SOBP: variants seen among roughly 807,000 people sequenced by gnomAD.
The protein encoded by SOBP is sine oculis binding protein homolog.
Under a neutral mutation model 53.6 loss-of-function variants are expected in SOBP, and 4 were observed. The ratio of observed to expected loss-of-function variants is 0.07; its 90% CI spans 0.04 to 0.17. The LOEUF (loss-of-function observed/expected upper bound fraction) is 0.17, where lower values mean the gene tolerates loss of function less well. SOBP is among the 10% of genes least tolerant of loss of function. SOBP has a pLI of 1.00. For synonymous variants in SOBP, 584 were observed against 522.6 expected (o/e 1.12, Z -1.60); for missense variants, 1,088 against 1,204.7 (o/e 0.90, Z 1.43).
chr6:107,506,334 G>A lies in SOBP; in HGVS notation c.328G>A (p.Gly110Arg). 1 of 1,614,110 alleles carries A rather than the reference G, an allele frequency of 6.2e-7. No homozygotes were observed. The highest frequency in any genetic ancestry group is 8.5e-7 in the Non-Finnish European group (1 of 1,179,994). Residue 110 changes from glycine (G) to arginine (R), a missense_variant, in exon 3 of 7, where the codon GGA becomes AGA. By Grantham distance (125) the Gly-to-Arg change is moderately radical. Transcript: ENST00000317357. ...CTATTCAGGGCTTGCCACTGGAAAT[G>A]GACTCAGTGACTCACCTGCAGGGTC... ...TGYSGLATGNGLSDSPAGSKD... is the reference protein window; with the variant it reads ...TGYSGLATGNRLSDSPAGSKD...
chr6:107,656,629 G>T (rs1772080245), intron 6 of SOBP, among the ~76,000 whole-genome samples: 1 of 152,182 alleles, frequency 6.6e-6, no homozygotes, highest in African/African-American at 2.4e-5. Flanking sequence ...GCTGATTATT[G>T]TTGCCATTAA....
At chr6:107,513,049 C>T (rs939449221) in intron 3 of SOBP, among the ~76,000 whole-genome samples, 10 of 152,152 alleles carry the variant, frequency 6.6e-5, no homozygotes, top group Non-Finnish European at 1.3e-4. Flanking sequence ...ATGATAAGTG[C>T]CCTTATTCTC....
rs899104791 is a variant in SOBP at position 107,506,128 on chromosome 6, G to C, written c.236-114G>C. 14 of 900,472 alleles carry C rather than the reference G, an allele frequency of 1.6e-5. No homozygotes were observed. The African/African-American group carries it at 2.1e-4, about 14-fold the overall frequency. 55.8% of individuals were successfully genotyped at this position (900,472 alleles called of 1,614,324 possible). On this transcript the variant is annotated intron_variant, in intron 2 of 6. Coordinates refer to ENST00000317357, the MANE Select transcript of SOBP (RefSeq NM_018013.4). ...GTTCTAGTACATTGTTTAAAGATTT[G>C]CAAGAAAAAATATGTTGGGTTCATG...
intron 1 of SOBP, among the ~76,000 whole-genome samples, chr6:107,496,870 T>G (rs1222834739): frequency 1.3e-5 from 2 of 152,366 alleles, no homozygotes; most frequent in East Asian, 3.9e-4. Context: ...TCTTTTGCAC[T>G]ATTTAAATTT....
At chr6:107,548,678 T>C (rs1227293290) in intron 4 of SOBP, among the ~76,000 whole-genome samples, 1 of 152,170 alleles carries the variant, frequency 6.6e-6, no homozygotes, top group Non-Finnish European at 1.5e-5. Context: ...GGCTCACATC[T>C]GTAACACCAG....
In SOBP at chr6:107,637,298, G is replaced by C. The variant is rs75569141; in HGVS notation, c.*3+1829G>C. Among the ~76,000 whole-genome samples, 659 of 152,354 alleles carry C rather than the reference G, an allele frequency of 4.3e-3. 5 individuals carry two copies. Among genetic ancestry groups the C allele is most frequent in the African/African-American group, 0.015 (629 of 41,584 alleles). On this transcript the variant is annotated intron_variant, in intron 6 of 6. Transcript: ENST00000317357. ...TAAGTTGGGCCCCTAGCATAGCCAGGAGATTGCTTGGGAAGCACAGACCAG... is the reference window on the plus strand; with the variant it reads ...TAAGTTGGGCCCCTAGCATAGCCAGCAGATTGCTTGGGAAGCACAGACCAG...
chr6:107,523,750 A>G (rs146220090), intron 3 of SOBP, among the ~76,000 whole-genome samples: 170 of 152,314 alleles, frequency 1.1e-3, no homozygotes, highest in Admixed American at 1.8e-3. Context: ...CCTGCCTACT[A>G]CAGTCACCAA....
chr6:107,558,539 A>G (rs1784683478), intron 4 of SOBP, among the ~76,000 whole-genome samples: 1 of 152,062 alleles, frequency 6.6e-6, no homozygotes, highest in African/African-American at 2.4e-5. Flanking sequence ...AAGTGCTGGG[A>G]TTACAGGTGT....
Position 107,490,640 on chromosome 6 carries a change from G to A in SOBP, c.24G>A (p.Gly8=), listed in dbSNP as rs781007270. The A allele has an allele frequency of 1.2e-6, 2 of 1,607,074 alleles. No individual in the cohort carries two copies. Among genetic ancestry groups the A allele is most frequent in the African/African-American group, 1.3e-5 (1 of 74,748 alleles). MAEMEKE[G]RPPENKRSRK... ...ACATGGCAGAAATGGAGAAAGAAGG[G>A]AGACCTCCCGAAAATAAACGGAGCA... The change falls in exon 1 of 7, where the codon GGG becomes GGA. Residue 8 remains glycine (G), a synonymous_variant. Coordinates refer to ENST00000317357, the MANE Select transcript of SOBP (RefSeq NM_018013.4).
chr6:107,496,958 A>T (rs998791875), intron 1 of SOBP, among the ~76,000 whole-genome samples: 1 of 152,222 alleles, frequency 6.6e-6, no homozygotes, highest in African/African-American at 2.4e-5. Context: ...GACAGCTCAG[A>T]CTCAGCCCTG....
intron 3 of SOBP, among the ~76,000 whole-genome samples, chr6:107,517,830 G>T (rs989169193): frequency 2.0e-5 from 3 of 152,046 alleles, no homozygotes; most frequent in African/African-American, 7.2e-5. Flanking sequence ...CATACATAAA[G>T]TACTAACCAT....
chr6:107,641,699 C>G (rs2115163815), intron 6 of SOBP, among the ~76,000 whole-genome samples: 1 of 152,320 alleles, frequency 6.6e-6, no homozygotes, highest in South Asian at 2.1e-4. Context: ...TCCAATGAGT[C>G]ACTCCCTTGC....
At chr6:107,572,920 A>C (rs1210526066) in intron 4 of SOBP, among the ~76,000 whole-genome samples, 1 of 152,198 alleles carries the variant, frequency 6.6e-6, no homozygotes, top group East Asian at 1.9e-4. Context: ...TATTTGGCAG[A>C]GGTATGGTGA....
intron 6 of SOBP, among the ~76,000 whole-genome samples, chr6:107,650,766 G>C (rs540240804): frequency 1.3e-5 from 2 of 152,238 alleles, no homozygotes; most frequent in East Asian, 3.9e-4. Flanking sequence ...TTCTATGATG[G>C]CCTCTAAATG....
chr6:107,649,662 T>A (rs1771719560), intron 6 of SOBP, among the ~76,000 whole-genome samples: 1 of 144,344 alleles, frequency 6.9e-6, no homozygotes. Context: ...CTATAGTGTG[T>A]TTGTTAAAAA....
chr6:107,603,958 G>T (rs376711029), intron 5 of SOBP, among the ~76,000 whole-genome samples: 1 of 152,140 alleles, frequency 6.6e-6, no homozygotes, highest in East Asian at 1.9e-4. Context: ...CTTTGTTGGT[G>T]GCATTATACT....
chr6:107,623,690 G>C (rs570586209), intron 5 of SOBP, among the ~76,000 whole-genome samples: 23 of 152,214 alleles, frequency 1.5e-4, no homozygotes, highest in African/African-American at 4.6e-4. Flanking sequence ...ATTGGGAAAG[G>C]GTTTCTGATT....
At chr6:107,606,045 C>G (rs1786362339) in intron 5 of SOBP, among the ~76,000 whole-genome samples, 1 of 143,872 alleles carries the variant, frequency 7.0e-6, no homozygotes. Flanking sequence ...CATTGAGAAA[C>G]ATATTGTGTA....
At chr6:107,642,349 A>C (rs952490644) in intron 6 of SOBP, among the ~76,000 whole-genome samples, 1 of 152,232 alleles carries the variant, frequency 6.6e-6, no homozygotes, top group Non-Finnish European at 1.5e-5. Flanking sequence ...CATCGAAAAG[A>C]TTCTAGTGAA....
Sources: allele counts gnomAD v4.1 joint callset (sites outside exome capture counted in the v4.1 genomes callset), GRCh38; gene constraint gnomAD v4.1.1; transcripts MANE v1.5; gene names NCBI Gene and HGNC (gene_info 2026-07-23, HGNC 2026-07-21).